Variants in SPIRE2 observed in about 807,000 individuals in gnomAD.
The protein encoded by SPIRE2 is protein spire homolog 2.
In SPIRE2, 76 loss-of-function variants were observed where a neutral mutation model predicts 80.7. The observed-to-expected ratio is 0.94, with a 90% CI of 0.78 to 1.14. The LOEUF (loss-of-function observed/expected upper bound fraction) is 1.14. Ranked by LOEUF, SPIRE2 falls within the 50% of genes most tolerant of loss-of-function variation. The probability of loss-of-function intolerance (pLI) is 0.00; values close to 1 mark genes in which losing one functional copy is unlikely to be tolerated. For missense variants in SPIRE2, 1,196 were observed against 1,015.3 expected (o/e 1.18, Z -2.42); for synonymous variants, 535 against 432.6 (o/e 1.24, Z -2.94).
chr16:89,861,234 C>T (rs539070701), intron 10 of SPIRE2, among the ~76,000 whole-genome samples: 1 of 152,332 alleles, frequency 6.6e-6, no homozygotes, highest in South Asian at 2.1e-4. Flanking sequence ...CCTTTGCTGA[C>T]ATCTTGAGGC....
At chr16:89,844,084 CTCCTGGGCTCA>C (rs1240131185) in intron 1 of SPIRE2, among the ~76,000 whole-genome samples, 2 of 151,298 alleles carry the variant, frequency 1.3e-5, no homozygotes, top group Admixed American at 6.6e-5. Flanking sequence ...CAGCCTCAAC[CTCCTGGGCTCA>C]AGAGGTCCTC....
rs1024291720 is a variant in SPIRE2, at chr16:89,828,830, G to A, written c.244+36G>A. 2.6e-6 allele frequency: 3 copies of A among 1,171,332 alleles called. No homozygotes were observed. Among genetic ancestry groups the A allele is most frequent in the Non-Finnish European group, 3.2e-6 (3 of 948,696 alleles). 72.6% of individuals were successfully genotyped at this position (1,171,332 alleles called of 1,614,324 possible). ...GGGCGGGGCAGCCGGCGGGGACCGC[G>A]GTCTGGGGCGTCCGTCCCGCCCCCT... is the stretch of plus-strand genomic sequence containing the variant. On this transcript the variant is annotated intron_variant, in intron 1 of 14. Transcript: ENST00000378247. This position sits in a 1 kb window ranked among gnomAD's most constrained non-coding sequence, Gnocchi z 5.9.
chr16:89,855,585 C>T lies in SPIRE2; in HGVS notation c.892-15C>T, dbSNP rs199535307. 4.3e-6 allele frequency: 7 copies of T among 1,610,478 alleles called. No homozygotes were observed. Among genetic ancestry groups the T allele is most frequent in the East Asian group, 2.2e-5 (1 of 44,848 alleles). ...TGGTCCCTGCAGGGCCTCAGATCAGCCGTCCTCCCCGCAGGTGGATGGGGA... is the reference window on the plus strand; with the variant it reads ...TGGTCCCTGCAGGGCCTCAGATCAGTCGTCCTCCCCGCAGGTGGATGGGGA... On this transcript the variant is annotated splice_polypyrimidine_tract_variant and intron_variant, in intron 5 of 14. Coordinates refer to ENST00000378247, the MANE Select transcript of SPIRE2 (RefSeq NM_032451.2).
intron 1 of SPIRE2, among the ~76,000 whole-genome samples, chr16:89,838,000 G>C (rs1042817641): frequency 1.3e-5 from 2 of 150,394 alleles, no homozygotes; most frequent in African/African-American, 4.8e-5. Context: ...GCTCTCAGCA[G>C]CTTCTTTTTT....
At chr16:89,840,991 A>C (rs1162556153) in intron 1 of SPIRE2, among the ~76,000 whole-genome samples, 1 of 151,914 alleles carries the variant, frequency 6.6e-6, no homozygotes, top group Non-Finnish European at 1.5e-5. Context: ...AAGACTCCCT[A>C]GCATCTTTGT....
chr16:89,857,144 T>TG (rs1161870937), intron 7 of SPIRE2, among the ~76,000 whole-genome samples: 1 of 150,134 alleles, frequency 6.7e-6, no homozygotes, highest in East Asian at 1.9e-4. Flanking sequence ...ATCTTTTTTT[T>TG]TTTTTTTTTT....
intron 1 of SPIRE2, among the ~76,000 whole-genome samples, chr16:89,843,842 T>G (rs117285117): frequency 0.061 from 8,300 of 135,696 alleles, 418 homozygotes; most frequent in East Asian, 0.24. Context: ...TAGGACTACA[T>G]ATATGCACTA....
chr16:89,854,586 C>T lies in SPIRE2; in HGVS notation c.826C>T (p.Leu276Phe). ...CAACCCCCTCCCCACCGAGTTCCAG[C>T]TCACGCCCTTCGAGATGCTGATGCA... ...EFNPLPTEFQLTPFEMLMQDI... is the reference protein window; with the variant it reads ...EFNPLPTEFQFTPFEMLMQDI... Residue 276 changes from leucine to phenylalanine, a missense_variant, in exon 5 of 15, where the codon CTC (leucine) becomes TTC (phenylalanine). Transcript: ENST00000378247. 3 of 1,610,760 alleles carry T rather than the reference C, an allele frequency of 1.9e-6. No individual in the cohort carries two copies. The highest frequency in any genetic ancestry group is 2.5e-6 in the Non-Finnish European group (3 of 1,178,886).
chr16:89,850,771 C>A, intron 3 of SPIRE2, 111 bp downstream of exon 3: 1 of 747,992 alleles, frequency 1.3e-6, no homozygotes, highest in South Asian at 2.0e-5. Context: ...GTCAGGTCGT[C>A]GGTGCGACTG....
intron 1 of SPIRE2, among the ~76,000 whole-genome samples, chr16:89,830,952 C>T (rs1368491318): frequency 6.8e-6 from 1 of 146,086 alleles, no homozygotes; most frequent in African/African-American, 2.5e-5. Flanking sequence ...CTCTGTTGCC[C>T]AGGCTGGAGT....
chr16:89,858,652 C>T (rs931681220), intron 8 of SPIRE2, 145 bp downstream of exon 8: 14 of 781,456 alleles, frequency 1.8e-5, no homozygotes, highest in South Asian at 5.0e-5. Context: ...GACATCCTGC[C>T]GTAGGAGGAG....
Position 89,828,565 on chromosome 16 carries a change from C to A in SPIRE2, c.15C>A (p.Gly5=), listed in dbSNP as rs1233205284. The change falls in exon 1 of 15, where the codon GGC becomes GGA. Residue 5 remains glycine (G), a synonymous_variant. Transcript: ENST00000378247. This position sits in a 1 kb window ranked among gnomAD's most constrained non-coding sequence, Gnocchi z 5.9. Reference sequence around the variant, plus strand: ...ACGGCCCCGCCATGGCCCGGGCGGGCAGCTGCGGCGGCGCCGCGGCGGGCG... The same window carrying A: ...ACGGCCCCGCCATGGCCCGGGCGGGAAGCTGCGGCGGCGCCGCGGCGGGCG... MARA[G]SCGGAAAGAG... is the part of the protein sequence containing the mutation. 1 of 1,143,398 alleles carries A rather than the reference C, an allele frequency of 8.7e-7. No homozygotes were observed. The highest frequency in any genetic ancestry group is 1.1e-6 in the Non-Finnish European group (1 of 935,184). The allele number at this position is 1,143,398 out of a possible 1,614,324, so 70.8% of individuals were successfully genotyped here.
intron 1 of SPIRE2, chr16:89,836,266 G>A (rs560881655): frequency 4.4e-6 from 2 of 455,796 alleles, no homozygotes; most frequent in East Asian, 6.9e-5. Context: ...TCAGCACCTG[G>A]ACCCTCAACT....
intron 2 of SPIRE2, among the ~76,000 whole-genome samples, chr16:89,847,876 G>A (rs1465040728): frequency 6.6e-6 from 1 of 152,214 alleles, no homozygotes; most frequent in Non-Finnish European, 1.5e-5. Context: ...GGCTCGGGTT[G>A]GAGTTAACCC....
chr16:89,840,074 T>C (rs929485446), intron 1 of SPIRE2, among the ~76,000 whole-genome samples: 3 of 152,086 alleles, frequency 2.0e-5, no homozygotes, highest in Non-Finnish European at 4.4e-5. Flanking sequence ...ACCAAACCCC[T>C]TGTCGGGCTA....
intron 1 of SPIRE2, among the ~76,000 whole-genome samples, chr16:89,838,358 TTTTTTAGTAGAGATGGGG>T (rs1245735016): frequency 6.6e-6 from 1 of 151,858 alleles, no homozygotes; most frequent in East Asian, 1.9e-4. Flanking sequence ...AATTTTTGTA[TTTTTTAGTAGAGATGGGG>T]TTTCACCATG....
At chr16:89,851,939 G>A (rs2143807802) in intron 3 of SPIRE2, among the ~76,000 whole-genome samples, 1 of 152,020 alleles carries the variant, frequency 6.6e-6, no homozygotes, top group South Asian at 2.1e-4. Context: ...CTTTGCAGGT[G>A]GTTTTGACGC....
Position 89,850,667 on chromosome 16 carries a change from G to C in SPIRE2, c.645+7G>C. On this transcript the variant is annotated splice_region_variant and intron_variant, in intron 3 of 14. Coordinates refer to ENST00000378247, the MANE Select transcript of SPIRE2 (RefSeq NM_032451.2). ...GGTCCGGGAGGCCAAGGAGGTGAGC[G>C]GTGGGTGGGGGCGACCGTGGAGGGT... The C allele has an allele frequency of 6.8e-7, 1 of 1,468,350 alleles. No homozygotes were observed. The highest frequency in any genetic ancestry group is 9.0e-7 in the Non-Finnish European group (1 of 1,116,628). 91.0% of individuals were successfully genotyped at this position (1,468,350 alleles called of 1,614,324 possible). A position where few individuals can be genotyped will look rare whatever the true frequency, so the allele number is the denominator to read the frequency against.
Position 89,860,751 on chromosome 16 carries a change from A to G in SPIRE2, c.1531A>G (p.Arg511Gly). 6.3e-7 allele frequency: 1 copy of G among 1,577,904 alleles called. No individual in the cohort carries two copies. Among genetic ancestry groups the G allele is most frequent in the Non-Finnish European group, 8.6e-7 (1 of 1,163,340 alleles). ...LLSNRGSSGD[R>G]PEASMTPDAK... is the part of the protein sequence containing the mutation. ...CAGCAACCGGGGCTCCTCGGGGGAC[A>G]GACCCGAGGCCTCCATGACCCCCGA... is the stretch of plus-strand genomic sequence containing the variant. The change falls in exon 10 of 15, where the codon AGA becomes GGA. Residue 511 changes from arginine to glycine, a missense_variant. By Grantham distance (125) the Arg-to-Gly change is moderately radical (BLOSUM62 -2). Coordinates refer to ENST00000378247, the MANE Select transcript of SPIRE2 (RefSeq NM_032451.2).
Sources: gnomAD v4.1 joint callset for allele counts (sites outside exome capture counted in the v4.1 genomes callset) on GRCh38, gnomAD v4.1.1 for gene constraint, Gnocchi (gnomAD v3.1) non-coding constraint, MANE v1.5 for transcripts, NCBI Gene and HGNC (gene_info 2026-07-23, HGNC 2026-07-21) for gene names.